TACR1: variants seen among roughly 807,000 people sequenced by gnomAD.
The protein encoded by TACR1 is substance-P receptor.
Under a neutral mutation model 35.8 loss-of-function variants are expected in TACR1, and 25 were observed. The observed-to-expected ratio is 0.70, with a 90% confidence interval of 0.51 to 0.98. The LOEUF is 0.98. Ranked by LOEUF, TACR1 falls within the 50% of genes least tolerant of loss-of-function variation. The probability of loss-of-function intolerance (pLI) is 0.00; values close to 1 mark genes in which losing one functional copy is unlikely to be tolerated. For synonymous variants in TACR1, 195 were observed against 206.7 expected (o/e 0.94, Z 0.48); for missense variants, 478 against 522.9 (o/e 0.91, Z 0.84).
intron 2 of TACR1, among the ~76,000 whole-genome samples, chr2:75,103,210 A>G (rs1673573639): frequency 1.3e-5 from 2 of 152,172 alleles, no homozygotes. Context: ...TCCCTAATAG[A>G]AGAAACCAGG....
intron 2 of TACR1, among the ~76,000 whole-genome samples, chr2:75,085,705 G>C (rs1466755060): frequency 1.3e-5 from 2 of 152,128 alleles, no homozygotes; most frequent in African/African-American, 4.8e-5. Context: ...TAATAACGGT[G>C]ACCTGGCTGG....
intron 1 of TACR1, among the ~76,000 whole-genome samples, chr2:75,139,770 G>A (rs73935565): frequency 0.077 from 11,771 of 152,196 alleles, 933 homozygotes; most frequent in African/African-American, 0.2. Context: ...ATAAAAACCC[G>A]ACTTGTAAGT....
In TACR1 at chr2:75,050,980, GC is replaced by G. The variant is rs1672452518; in HGVS notation, c.932+270del. 4 of 474,420 alleles carry G rather than the reference GC, an allele frequency of 8.4e-6. 1 individual carries two copies. The South Asian group carries it at 9.1e-5, about 11-fold the overall frequency. 29.4% of individuals were successfully genotyped at this position (474,420 alleles called of 1,614,324 possible). ...GAAGTTTTTAATTCCCCCACTAGCT[GC>G]CAGTATTTATGAATCAGAAGACTTT... On this transcript the variant is annotated intron_variant, in intron 4 of 4. Coordinates refer to ENST00000305249, the MANE Select transcript of TACR1 (RefSeq NM_001058.4).
chr2:75,165,440 CTG>C (rs200041422), intron 1 of TACR1, among the ~76,000 whole-genome samples: 13,012 of 152,192 alleles, frequency 0.085, 654 homozygotes, highest in Middle Eastern at 0.17. Flanking sequence ...TCCCGAGTAG[CTG>C]GGACTACAGG....
chr2:75,106,117 T>C (rs766017168), intron 2 of TACR1, among the ~76,000 whole-genome samples: 12 of 152,088 alleles, frequency 7.9e-5, no homozygotes, highest in Non-Finnish European at 1.5e-4. Context: ...TGAAAACTTT[T>C]TGTACTATCT....
At chr2:75,157,501 C>T (rs1180147555) in intron 1 of TACR1, among the ~76,000 whole-genome samples, 2 of 152,176 alleles carry the variant, frequency 1.3e-5, no homozygotes, top group Non-Finnish European at 2.9e-5. Context: ...TTGTACCCAC[C>T]TTGTTCCTCC....
chr2:75,160,130 C>G (rs956447456), intron 1 of TACR1, among the ~76,000 whole-genome samples: 1 of 151,986 alleles, frequency 6.6e-6, no homozygotes, highest in African/African-American at 2.4e-5. Flanking sequence ...AAGAATTGTA[C>G]CAGCAGTTAT....
At chr2:75,139,226 T>C (rs949880821) in intron 1 of TACR1, among the ~76,000 whole-genome samples, 1 of 152,168 alleles carries the variant, frequency 6.6e-6, no homozygotes, top group Admixed American at 6.5e-5. Context: ...TATGAACTGC[T>C]CCATCAGTCA....
At chr2:75,167,086 A>C (rs1675162391) in intron 1 of TACR1, among the ~76,000 whole-genome samples, 2 of 151,624 alleles carry the variant, frequency 1.3e-5, no homozygotes, top group Non-Finnish European at 2.9e-5. Flanking sequence ...CAAAAAGATA[A>C]ACGACAGGAA....
In TACR1 at chr2:75,051,379, G is replaced by A. The variant is rs773711186; in HGVS notation, c.804C>T (p.Phe268=). Residue 268 remains phenylalanine, a synonymous_variant, in exon 4 of 5, where the codon TTC becomes TTT. Coordinates refer to ENST00000305249, the MANE Select transcript of TACR1 (RefSeq NM_001058.4). ...AICWLPFHIF[F]LLPYINPDLY... Reference sequence around the variant, plus strand: ...GATCTGGGTTGATGTAGGGCAGGAGGAAGAAGATGTGGAAGGGCAGCCAGC... The same window carrying A: ...GATCTGGGTTGATGTAGGGCAGGAGAAAGAAGATGTGGAAGGGCAGCCAGC... The A allele has an allele frequency of 7.8e-5, 126 of 1,614,058 alleles. No homozygotes were observed. The highest frequency in any genetic ancestry group is 1.0e-4 in the Non-Finnish European group (122 of 1,180,032).
chr2:75,116,073 T>A (rs72807375), intron 2 of TACR1, among the ~76,000 whole-genome samples: 1,543 of 152,194 alleles, frequency 0.01, 29 homozygotes, highest in African/African-American at 0.035. Flanking sequence ...TGTACTTATA[T>A]AAGGCACTTT....
At chr2:75,131,431 A>C (rs529239649) in intron 1 of TACR1, among the ~76,000 whole-genome samples, 1 of 152,214 alleles carries the variant, frequency 6.6e-6, no homozygotes, top group South Asian at 2.1e-4. Context: ...ATAGATTCAA[A>C]GTTTTTGGAA....
At chr2:75,198,406 A>G in intron 1 of TACR1, 140 bp downstream of exon 1, 2 of 946,436 alleles carry the variant, frequency 2.1e-6, no homozygotes, top group Non-Finnish European at 3.1e-6. Flanking sequence ...CCATCAACAA[A>G]TGACTCAGTT....
intron 1 of TACR1, among the ~76,000 whole-genome samples, chr2:75,137,760 A>G (rs1674328886): frequency 6.6e-6 from 1 of 151,366 alleles, no homozygotes; most frequent in Non-Finnish European, 1.5e-5. Context: ...AAAAAAAGAA[A>G]AAATAAAAGA....
intron 1 of TACR1, among the ~76,000 whole-genome samples, chr2:75,138,868 C>T (rs1416460854): frequency 6.6e-6 from 1 of 152,186 alleles, no homozygotes. Flanking sequence ...ACCACCCCTC[C>T]TCTCAGGAAG....
intron 2 of TACR1, among the ~76,000 whole-genome samples, chr2:75,084,084 A>T (rs1269410215): frequency 2.0e-5 from 3 of 152,146 alleles, no homozygotes; most frequent in African/African-American, 7.2e-5. Flanking sequence ...AGCTCTTATT[A>T]TTTTGAGATA....
At chr2:75,084,548 G>A (rs981653309) in intron 2 of TACR1, among the ~76,000 whole-genome samples, 12 of 152,270 alleles carry the variant, frequency 7.9e-5, no homozygotes, top group African/African-American at 1.7e-4. Context: ...CTGTGAGTCC[G>A]TCTGGTCCTG....
At chr2:75,077,215 C>T (rs747561848) in intron 2 of TACR1, among the ~76,000 whole-genome samples, 12 of 152,124 alleles carry the variant, frequency 7.9e-5, no homozygotes, top group Non-Finnish European at 1.5e-4. Context: ...GGTGACCCAC[C>T]CACCTTGGCC....
chr2:75,092,575 G>A (rs3821313), intron 2 of TACR1, among the ~76,000 whole-genome samples: 27,074 of 152,002 alleles, frequency 0.18, 3,087 homozygotes, highest in East Asian at 0.31. Flanking sequence ...AGATGGATCA[G>A]GAAAATCTAG....
Sources: gnomAD v4.1 joint callset for allele counts (sites outside exome capture counted in the v4.1 genomes callset) on GRCh38, gnomAD v4.1.1 for gene constraint, MANE v1.5 for transcripts, NCBI Gene and HGNC (gene_info 2026-07-23, HGNC 2026-07-21) for gene names.